The following SGCD variants were observed in gnomAD, a reference collection of about 807,000 sequenced individuals.
The protein encoded by SGCD is delta-sarcoglycan.
SGCD carries 18 observed loss-of-function variants against 36.6 expected under a neutral mutation model. The ratio of observed to expected loss-of-function variants is 0.49; its 90% confidence interval spans 0.34 to 0.73. The LOEUF (loss-of-function observed/expected upper bound fraction) is 0.73. SGCD is among the 30% of genes least tolerant of loss of function. The pLI is 0.01. For synonymous variants in SGCD, 133 were observed against 130.6 expected (o/e 1.02, Z -0.12); for missense variants, 387 against 346.7 (o/e 1.12, Z -0.92).
chr5:156,694,771 C>T (rs1421736215), intron 7 of SGCD, among the ~76,000 whole-genome samples: 1 of 152,068 alleles, frequency 6.6e-6, no homozygotes, highest in African/African-American at 2.4e-5. Flanking sequence ...TTTAATTAGG[C>T]CCGTCTGGTT....
At chr5:156,691,421 C>T (rs116569914) in intron 7 of SGCD, among the ~76,000 whole-genome samples, 359 of 152,150 alleles carry the variant, frequency 2.4e-3, no homozygotes, top group African/African-American at 8.2e-3. Context: ...AAAAAGCTCC[C>T]TTGTGCAGAG....
At chr5:155,954,158 G>A (rs1291465936) in intron 1 of SGCD, among the ~76,000 whole-genome samples, 1 of 152,090 alleles carries the variant, frequency 6.6e-6, no homozygotes, top group Non-Finnish European at 1.5e-5. Flanking sequence ...CTTCTGTACT[G>A]TTTTTCTATT....
intron 3 of SGCD, among the ~76,000 whole-genome samples, chr5:156,381,352 G>A (rs576598654): frequency 2.6e-5 from 4 of 152,256 alleles, no homozygotes; most frequent in South Asian, 4.1e-4. Flanking sequence ...TGTCCTCTGC[G>A]AATCCTAATC....
At chr5:156,186,997 T>C (rs1763777046) in intron 3 of SGCD, among the ~76,000 whole-genome samples, 1 of 152,160 alleles carries the variant, frequency 6.6e-6, no homozygotes, top group South Asian at 2.1e-4. Flanking sequence ...TTTTTTTCTT[T>C]TCATGTTTTT....
At chr5:156,548,744 C>G (rs2113187315) in intron 4 of SGCD, among the ~76,000 whole-genome samples, 1 of 152,168 alleles carries the variant, frequency 6.6e-6, no homozygotes, top group South Asian at 2.1e-4. Context: ...CACACTAATG[C>G]ACAGTCACTG....
At chr5:156,600,662 T>C (rs1254218295) in intron 6 of SGCD, among the ~76,000 whole-genome samples, 2 of 152,196 alleles carry the variant, frequency 1.3e-5, no homozygotes, top group African/African-American at 4.8e-5. Context: ...CTTTGATGTA[T>C]TGATTTCATT....
At chr5:156,656,191 T>C (rs990840851) in intron 7 of SGCD, among the ~76,000 whole-genome samples, 1 of 152,166 alleles carries the variant, frequency 6.6e-6, no homozygotes, top group African/African-American at 2.4e-5. Flanking sequence ...TGATGTGCTC[T>C]TACGTTACAT....
chr5:156,370,040 A>G (rs948536303), intron 3 of SGCD, among the ~76,000 whole-genome samples: 1 of 152,098 alleles, frequency 6.6e-6, no homozygotes, highest in Non-Finnish European at 1.5e-5. Context: ...TTAATGATTC[A>G]GCATTTCATG....
At chr5:155,744,660 G>A in the SGCD span, among the ~76,000 whole-genome samples, 41,913 of 152,074 alleles carry the variant, frequency 0.28, 7,355 homozygotes, top group East Asian at 0.42. Flanking sequence ...CACAGCTGAA[G>A]TTGGAGGAAG....
intron 3 of SGCD, among the ~76,000 whole-genome samples, chr5:156,449,565 C>T (rs1753903570): frequency 6.6e-6 from 1 of 151,494 alleles, no homozygotes; most frequent in Non-Finnish European, 1.5e-5. Context: ...GGCTTGGTAG[C>T]TCACGCCTGT....
At chr5:156,558,171 G>A (rs924082971) in intron 4 of SGCD, among the ~76,000 whole-genome samples, 1 of 140,894 alleles carries the variant, frequency 7.1e-6, no homozygotes, top group Non-Finnish European at 1.5e-5. Context: ...ATTAAGTGTG[G>A]TCTCTAGACT....
chr5:155,854,032 T>C, the SGCD span, among the ~76,000 whole-genome samples: 1 of 152,184 alleles, frequency 6.6e-6, no homozygotes, highest in African/African-American at 2.4e-5. Flanking sequence ...TTTTTTAACA[T>C]TTAGAAAATA....
intron 3 of SGCD, among the ~76,000 whole-genome samples, chr5:156,158,065 T>A (rs947901349): frequency 2.0e-5 from 3 of 151,484 alleles, no homozygotes; most frequent in African/African-American, 7.3e-5. Context: ...TTTGCTTTTT[T>A]TTTTTGCACC....
intron 7 of SGCD, among the ~76,000 whole-genome samples, chr5:156,690,820 AC>A (rs1754078035): frequency 6.6e-6 from 1 of 152,164 alleles, no homozygotes; most frequent in Non-Finnish European, 1.5e-5. Context: ...GGATTTAGTA[AC>A]ATGAAAGTCA....
At chr5:156,621,709 T>C (rs1225041746) in intron 6 of SGCD, among the ~76,000 whole-genome samples, 2 of 152,226 alleles carry the variant, frequency 1.3e-5, no homozygotes, top group African/African-American at 4.8e-5. Context: ...ATTTTGAGCA[T>C]ATACAAAGTC....
chr5:156,547,620 T>C (rs1476120568), intron 4 of SGCD, among the ~76,000 whole-genome samples: 1 of 152,008 alleles, frequency 6.6e-6, no homozygotes, highest in Non-Finnish European at 1.5e-5. Context: ...TTTTTTGTAT[T>C]TTTGGTAGAG....
intron 4 of SGCD, among the ~76,000 whole-genome samples, chr5:156,587,228 A>T (rs1185174431): frequency 6.6e-6 from 1 of 152,160 alleles, no homozygotes; most frequent in East Asian, 1.9e-4. Flanking sequence ...TTCCTCTGGC[A>T]AGTCTCCCCT....
At chr5:156,440,742 GC>G (rs1753451650) in intron 3 of SGCD, among the ~76,000 whole-genome samples, 1 of 151,918 alleles carries the variant, frequency 6.6e-6, no homozygotes, top group African/African-American at 2.4e-5. Context: ...GCACTTATTG[GC>G]CATGTGATAT....
chr5:156,493,190 T>A (rs1756024181), intron 3 of SGCD, among the ~76,000 whole-genome samples: 1 of 152,162 alleles, frequency 6.6e-6, no homozygotes, highest in African/African-American at 2.4e-5. Context: ...TATTTATACA[T>A]TGGAGAATGG....
Sources: allele counts gnomAD v4.1 joint callset (sites outside exome capture counted in the v4.1 genomes callset), GRCh38; gene constraint gnomAD v4.1.1; transcripts MANE v1.5; gene names NCBI Gene and HGNC (gene_info 2026-07-23, HGNC 2026-07-21).